The following ANTXR1 variants were observed in gnomAD, a reference collection of about 807,000 sequenced individuals.
ANTXR1 encodes ANTXR cell adhesion molecule 1.
Under a neutral mutation model 78.1 loss-of-function variants are expected in ANTXR1, and 19 were observed. The observed-to-expected ratio is 0.24, with a 90% confidence interval of 0.17 to 0.36. The LOEUF (loss-of-function observed/expected upper bound fraction) is 0.36. Ranked by LOEUF, ANTXR1 falls within the 10% of genes least tolerant of loss-of-function variation. ANTXR1 has a pLI of 1.00. For missense variants in ANTXR1, 518 were observed against 718.6 expected, an observed-to-expected ratio of 0.72 and a Z score of 3.19; for synonymous variants, 273 against 260.5, an observed-to-expected ratio of 1.05 and a Z score of -0.46.
In ANTXR1 at chr2:69,248,598, A is replaced by G. The variant is rs1676070045; in HGVS notation, c.*3113A>G. On this transcript the variant is annotated 3_prime_UTR_variant, in exon 18 of 18. Transcript: ENST00000303714. The stretch of plus-strand genomic sequence containing the variant: ...CTGGTGGATTAATTAATAGTCTTCG[A>G]TATCTGGCCATGGGTAACCTCATTG... 6.6e-6 allele frequency: 1 copy of G among 152,348 alleles called. No homozygotes were observed. The highest frequency in any genetic ancestry group is 2.4e-5 in the African/African-American group (1 of 41,440). 9.4% of individuals were successfully genotyped at this position (152,348 alleles called of 1,614,324 possible). A position where few individuals can be genotyped will look rare whatever the true frequency, so the allele number is the denominator to read the frequency against.
chr2:69,109,793 G>A (rs926008820), intron 10 of ANTXR1, among the ~76,000 whole-genome samples: 1 of 152,190 alleles, frequency 6.6e-6, no homozygotes, highest in African/African-American at 2.4e-5. Context: ...GGAAGGATGT[G>A]TTAAACATGA....
chr2:69,156,656 T>C (rs536322059), intron 13 of ANTXR1, among the ~76,000 whole-genome samples: 1 of 152,256 alleles, frequency 6.6e-6, no homozygotes. Context: ...GCATCTCACA[T>C]GGTGGGAGCA....
In ANTXR1 at chr2:69,248,136, G is replaced by C. The variant is rs533908505; in HGVS notation, c.*2651G>C. On this transcript the variant is annotated 3_prime_UTR_variant, in exon 18 of 18. Coordinates refer to ENST00000303714, the MANE Select transcript of ANTXR1 (RefSeq NM_032208.3). Reference sequence around the variant, plus strand: ...CTTGTGTCATTCCCTGTAAAAGGCAGGAGACATGTGATTATGATCAGGAAA... The same window carrying C: ...CTTGTGTCATTCCCTGTAAAAGGCACGAGACATGTGATTATGATCAGGAAA... 4.2e-5 allele frequency: 7 copies of C among 164,836 alleles called. No homozygotes were observed. The highest frequency in any genetic ancestry group is 1.7e-4 in the African/African-American group (7 of 41,424). The allele number at this position is 164,836 out of a possible 1,614,324, so 10.2% of individuals were successfully genotyped here. A position where few individuals can be genotyped will look rare whatever the true frequency, so the allele number is the denominator to read the frequency against.
chr2:69,189,665 G>A (rs73934785), intron 16 of ANTXR1, among the ~76,000 whole-genome samples: 255 of 152,280 alleles, frequency 1.7e-3, no homozygotes, highest in African/African-American at 5.7e-3. Context: ...GGGAAGAGGC[G>A]GCAGCAGAGC....
intron 16 of ANTXR1, among the ~76,000 whole-genome samples, chr2:69,188,450 T>C (rs531159817): frequency 3.9e-5 from 6 of 152,340 alleles, no homozygotes; most frequent in African/African-American, 1.2e-4. Flanking sequence ...AGCACAGTCT[T>C]ATTGCTTAGA....
chr2:69,225,814 C>T (rs1473416838), intron 17 of ANTXR1, among the ~76,000 whole-genome samples: 1 of 152,142 alleles, frequency 6.6e-6, no homozygotes, highest in Non-Finnish European at 1.5e-5. Context: ...GGGTGCTATT[C>T]CAGAGCTTCT....
At position 69,102,867 on chromosome 2, in the gene ANTXR1, A is replaced by T. The variant is rs1423925379; in HGVS notation, c.729A>T (p.Gly243=). 2 of 1,614,158 alleles carry T rather than the reference A, an allele frequency of 1.2e-6. No homozygotes were observed. Among genetic ancestry groups the T allele is most frequent in the South Asian group, 2.2e-5 (2 of 91,076 alleles). The stretch of plus-strand genomic sequence containing the variant: ...AGTCATTTCAAGTTGTCGTGAGAGG[A>T]AACGGCTTCCGACATGCCCGCAACG... ...AGESFQVVVR[G]NGFRHARNVD... The change falls in exon 10 of 18, where the codon GGA becomes GGT. Residue 243 remains glycine (G), a synonymous_variant. Coordinates refer to ENST00000303714, the MANE Select transcript of ANTXR1 (RefSeq NM_032208.3).
At chr2:69,016,988 ATGG>A (rs990175021) in intron 1 of ANTXR1, among the ~76,000 whole-genome samples, 3 of 152,206 alleles carry the variant, frequency 2.0e-5, no homozygotes, top group Non-Finnish European at 4.4e-5. Flanking sequence ...AGGAAAAGAA[ATGG>A]TGGGGAGACC....
At chr2:69,104,191 G>A (rs1384313714) in intron 10 of ANTXR1, among the ~76,000 whole-genome samples, 3 of 151,980 alleles carry the variant, frequency 2.0e-5, no homozygotes, top group African/African-American at 4.8e-5. Context: ...CACCCGCCTC[G>A]GCTTCCCAAA....
intron 8 of ANTXR1, among the ~76,000 whole-genome samples, chr2:69,089,592 A>G (rs974335326): frequency 6.6e-6 from 1 of 152,034 alleles, no homozygotes; most frequent in Non-Finnish European, 1.5e-5. Context: ...CCACATTTTC[A>G]TTTATTCTCT....
At chr2:69,057,401 A>G (rs1670101100) in intron 3 of ANTXR1, among the ~76,000 whole-genome samples, 1 of 152,184 alleles carries the variant, frequency 6.6e-6, no homozygotes, top group African/African-American at 2.4e-5. Context: ...TATGCTCATT[A>G]TATGTCTGTA....
chr2:69,043,118 C>A (rs548872530), intron 2 of ANTXR1, among the ~76,000 whole-genome samples: 95 of 152,290 alleles, frequency 6.2e-4, no homozygotes, highest in African/African-American at 2.2e-3. Context: ...CAGAGCTGAA[C>A]TTGACAGAAG....
intron 17 of ANTXR1, among the ~76,000 whole-genome samples, chr2:69,199,883 A>G (rs2104483885): frequency 6.6e-6 from 1 of 152,288 alleles, no homozygotes; most frequent in African/African-American, 2.4e-5. Context: ...CAAGAGTAAG[A>G]TAGGCTGATC....
intron 12 of ANTXR1, among the ~76,000 whole-genome samples, chr2:69,133,072 G>A (rs1261616003): frequency 1.3e-5 from 2 of 152,124 alleles, no homozygotes; most frequent in African/African-American, 2.4e-5. Flanking sequence ...TGGGCCTGGT[G>A]AGTTACTTCC....
chr2:69,191,296 T>G (rs1221511933), intron 16 of ANTXR1, among the ~76,000 whole-genome samples: 1 of 152,104 alleles, frequency 6.6e-6, no homozygotes, highest in Non-Finnish European at 1.5e-5. Flanking sequence ...CAAACAACAG[T>G]TTATAAAGAT....
chr2:69,132,515 A>G (rs892386885), intron 12 of ANTXR1, among the ~76,000 whole-genome samples: 1 of 152,218 alleles, frequency 6.6e-6, no homozygotes, highest in Non-Finnish European at 1.5e-5. Flanking sequence ...CTTGAATTTC[A>G]CCAGCCCGGT....
intron 17 of ANTXR1, among the ~76,000 whole-genome samples, chr2:69,194,084 A>G (rs1001392878): frequency 6.6e-6 from 1 of 152,224 alleles, no homozygotes; most frequent in Non-Finnish European, 1.5e-5. Flanking sequence ...AAGAAAAACA[A>G]ACAAAAACAA....
chr2:69,110,544 G>A (rs537952491), intron 10 of ANTXR1, among the ~76,000 whole-genome samples: 188 of 152,160 alleles, frequency 1.2e-3, no homozygotes, highest in African/African-American at 4.4e-3. Context: ...TAATAATATG[G>A]CAAAAATAAA....
intron 17 of ANTXR1, among the ~76,000 whole-genome samples, chr2:69,223,902 G>T (rs1052090071): frequency 6.6e-6 from 1 of 152,176 alleles, no homozygotes; most frequent in Admixed American, 6.5e-5. Flanking sequence ...TAACCTTTGG[G>T]TATGTGATAA....
Sources: gnomAD v4.1 joint callset for allele counts (sites outside exome capture counted in the v4.1 genomes callset) on GRCh38, gnomAD v4.1.1 for gene constraint, MANE v1.5 for transcripts, NCBI Gene and HGNC (gene_info 2026-07-23, HGNC 2026-07-21) for gene names.